Variants in PCDH1 observed in about 807,000 individuals in gnomAD.
The protein encoded by PCDH1 is protocadherin-1.
Under a neutral mutation model 74.6 loss-of-function variants are expected in PCDH1, and 23 were observed. The observed-to-expected ratio is 0.31, with a 90% CI of 0.22 to 0.44. The LOEUF is 0.44. Ranked by LOEUF, PCDH1 falls within the 20% of genes least tolerant of loss-of-function variation. The pLI is 1.00. For synonymous variants in PCDH1, 647 were observed against 686.1 expected (o/e 0.94, Z 0.89); for missense variants, 1,214 against 1,641.4 (o/e 0.74, Z 4.50).
At chr5:141,877,069 C>A (rs1351170741) in intron 1 of PCDH1, among the ~76,000 whole-genome samples, 2 of 152,198 alleles carry the variant, frequency 1.3e-5, no homozygotes, top group Non-Finnish European at 2.9e-5. Flanking sequence ...ATAATAATGT[C>A]GCGATTAACG....
At chr5:141,872,555 AGGGCGAATGATGTGT>A (rs1753120644) in intron 1 of PCDH1, among the ~76,000 whole-genome samples, 1 of 152,240 alleles carries the variant, frequency 6.6e-6, no homozygotes, top group Non-Finnish European at 1.5e-5. Context: ...TCTGGCAGTC[AGGGCGAATGATGTGT>A]GGCCACTCCA....
intron 1 of PCDH1, among the ~76,000 whole-genome samples, chr5:141,877,400 A>C (rs1033183533): frequency 1.3e-5 from 2 of 152,102 alleles, no homozygotes; most frequent in Admixed American, 1.3e-4. Flanking sequence ...TGTGCTGTGT[A>C]CCTATGTTCT....
Position 141,869,289 on chromosome 5 carries a change from C to A in PCDH1, c.183G>T (p.Val61=). 6.2e-7 allele frequency: 1 copy of A among 1,606,952 alleles called. No homozygotes were observed. The highest frequency in any genetic ancestry group is 1.1e-5 in the South Asian group (1 of 89,628). ...GTGGCTGTTCCTCCGGCACCTTGTA[C>A]ACTACCCGAGTGGCGTGGCCTGGGG... ...APSPGHATRV[V]YKVPEEQPPN... Residue 61 remains valine, a synonymous_variant, in exon 2 of 5, where the codon GTG becomes GTT. Coordinates refer to ENST00000287008, the MANE Select transcript of PCDH1 (RefSeq NM_032420.5). The surrounding 1 kb of genome is among the most constrained non-coding windows in gnomAD (Gnocchi z 4.9).
intron 1 of PCDH1, among the ~76,000 whole-genome samples, chr5:141,877,219 GGTGT>G: frequency 6.6e-6 from 1 of 152,298 alleles, no homozygotes; most frequent in Non-Finnish European, 1.5e-5. Context: ...GTTGGTTTAA[GGTGT>G]GTGTGACACC....
At chr5:141,855,317 C>T (rs971230231) in intron 4 of PCDH1, among the ~76,000 whole-genome samples, 6 of 152,058 alleles carry the variant, frequency 3.9e-5, no homozygotes, top group African/African-American at 1.4e-4. Context: ...CAGTGCTCTT[C>T]TTACACACCC....
In PCDH1 at chr5:141,865,384, T is replaced by G. The variant is rs916675413; in HGVS notation, c.947A>C (p.Glu316Ala). 1.2e-6 allele frequency: 2 copies of G among 1,613,994 alleles called. No individual in the cohort carries two copies. Among genetic ancestry groups the G allele is most frequent in the Non-Finnish European group, 1.7e-6 (2 of 1,180,046 alleles). Residue 316 changes from glutamate (E) to alanine (A), a missense_variant, in exon 3 of 5, where the codon GAA (glutamate) becomes GCA (alanine). By Grantham distance (107) the Glu-to-Ala change is moderately radical. Transcript: ENST00000287008. This position sits in a 1 kb window ranked among gnomAD's most constrained non-coding sequence, Gnocchi z 4.4. ...DSDQGANAEI[E>A]YTFHQAPEVV... Reference sequence around the variant, plus strand: ...TTCGGGCGCCTGGTGGAATGTGTATTCGATTTCTGCATTGGCACCTTGGTC... The same window carrying G: ...TTCGGGCGCCTGGTGGAATGTGTATGCGATTTCTGCATTGGCACCTTGGTC...
chr5:141,871,975 T>C (rs4563655), intron 1 of PCDH1, among the ~76,000 whole-genome samples: 149,329 of 152,346 alleles, frequency 0.98, 73,212 homozygotes, highest in East Asian at 1. Context: ...GCACAGAGTC[T>C]TTAGATAAAT....
chr5:141,871,454 C>T (rs1033471623), intron 1 of PCDH1, among the ~76,000 whole-genome samples: 1 of 152,210 alleles, frequency 6.6e-6, no homozygotes, highest in Admixed American at 6.5e-5. Flanking sequence ...TGGCATTAGA[C>T]AGTCTGAGGC....
intron 1 of PCDH1, among the ~76,000 whole-genome samples, chr5:141,870,217 A>G (rs1365243512): frequency 1.3e-5 from 2 of 152,204 alleles, no homozygotes; most frequent in African/African-American, 4.8e-5. Flanking sequence ...ACTTTCCCCC[A>G]ACACATATGC....
In PCDH1 at chr5:141,854,184, TAGG is replaced by T. The variant is rs878897035; in HGVS notation, c.3569_3571del (p.Ser1190del). ...ATGGCTACTGTGGGAGAAGGCACTG[TAGG>T]AGGGCAGGAGGCGCACGGGGGCCGT... On this transcript the variant is annotated inframe_deletion, in exon 5 of 5. Transcript: ENST00000287008. 1 of 1,609,570 alleles carries T rather than the reference TAGG, an allele frequency of 6.2e-7. No homozygotes were observed. The highest frequency in any genetic ancestry group is 1.1e-5 in the South Asian group (1 of 90,750).
In PCDH1 at chr5:141,864,126, C is replaced by A. The variant is rs1388720126; in HGVS notation, c.2205G>T (p.Thr735=). The A allele has an allele frequency of 6.2e-7, 1 of 1,609,488 alleles. No homozygotes were observed. The highest frequency in any genetic ancestry group is 2.2e-5 in the East Asian group (1 of 44,760). ...AGTCCTCGGCTGCCACCTGGCTGAC[C>A]GTCTCACCAAGACGTGTCTGGGGGG... ...LLTPQTRLGE[T]VSQVAAEDFD... Residue 735 remains threonine, a synonymous_variant, in exon 3 of 5, where the codon ACG becomes ACT. Coordinates refer to ENST00000287008, the MANE Select transcript of PCDH1 (RefSeq NM_032420.5). This position sits in a 1 kb window ranked among gnomAD's most constrained non-coding sequence, Gnocchi z 5.9.
intron 1 of PCDH1, among the ~76,000 whole-genome samples, chr5:141,877,815 G>GT (rs965766184): frequency 6.6e-6 from 1 of 152,232 alleles, no homozygotes; most frequent in African/African-American, 2.4e-5. Context: ...CAACAAGTGT[G>GT]TATGTATGTG....
rs1207497703 is a variant in PCDH1 at position 141,857,462 on chromosome 5, G to A, written c.3109C>T (p.Arg1037Cys). The part of the protein sequence containing the change: ...PKYPSKQLPH[R>C]RVTFSATSQA... ...CTGGTGGCCGAGAAGGTGACGCGGC[G>A]GTGAGGTAACTGCAGGGAGACAGAT... is the stretch of plus-strand genomic sequence containing the variant. Residue 1037 changes from arginine to cysteine, a missense_variant, in exon 4 of 5, where the codon CGC becomes TGC. By Grantham distance (180) the Arg-to-Cys change is radical (BLOSUM62 -3). Transcript: ENST00000287008. 7 of 1,613,272 alleles carry A rather than the reference G, an allele frequency of 4.3e-6. No individual in the cohort carries two copies. Among genetic ancestry groups the A allele is most frequent in the Non-Finnish European group, 5.9e-6 (7 of 1,179,716 alleles).
chr5:141,875,636 A>G (rs1753207848), intron 1 of PCDH1, among the ~76,000 whole-genome samples: 1 of 152,178 alleles, frequency 6.6e-6, no homozygotes, highest in Admixed American at 6.5e-5. Context: ...ATGGCAGACC[A>G]GCAAGACACC....
rs750601530 is a variant in PCDH1, at chr5:141,868,499, C to A, written c.903+70G>T. The A allele has an allele frequency of 6.6e-7, 1 of 1,509,560 alleles. No individual in the cohort carries two copies. Among genetic ancestry groups the A allele is most frequent in the Non-Finnish European group, 8.8e-7 (1 of 1,131,308 alleles). 93.5% of individuals were successfully genotyped at this position (1,509,560 alleles called of 1,614,324 possible). A position where few individuals can be genotyped will look rare whatever the true frequency, so the allele number is the denominator to read the frequency against. On this transcript the variant is annotated intron_variant, in intron 2 of 4. Coordinates refer to ENST00000287008, the MANE Select transcript of PCDH1 (RefSeq NM_032420.5). The surrounding 1 kb of genome is among the most constrained non-coding windows in gnomAD (Gnocchi z 4.8). ...TTTTCCCCTAAGTGAAGGGAACTCTCACCTGGTTGGGTGGGCTCCCATTTC... is the reference window on the plus strand; with the variant it reads ...TTTTCCCCTAAGTGAAGGGAACTCTAACCTGGTTGGGTGGGCTCCCATTTC...
At chr5:141,875,282 T>A (rs954645835) in intron 1 of PCDH1, among the ~76,000 whole-genome samples, 3 of 152,120 alleles carry the variant, frequency 2.0e-5, no homozygotes, top group Admixed American at 6.5e-5. Context: ...GTTCGATGAA[T>A]AAACAAGCCA....
At chr5:141,854,566 T>G in intron 4 of PCDH1, 130 bp from the exon 5 acceptor site, 1 of 904,322 alleles carries the variant, frequency 1.1e-6, no homozygotes, top group Middle Eastern at 3.3e-4. Context: ...ACCGCTGAAC[T>G]CACAGGCACA....
chr5:141,854,533 A>G, intron 4 of PCDH1, 97 bp from the exon 5 acceptor site: 1 of 1,297,026 alleles, frequency 7.7e-7, no homozygotes, highest in Non-Finnish European at 1.0e-6. Context: ...CCACCTCAGG[A>G]CAGGAGTATG....
At chr5:141,860,043 C>G (rs941942174) in intron 3 of PCDH1, among the ~76,000 whole-genome samples, 1 of 152,150 alleles carries the variant, frequency 6.6e-6, no homozygotes, top group Non-Finnish European at 1.5e-5. Flanking sequence ...TTTGCTTACA[C>G]GGTGACCCTG....
Sources: gnomAD v4.1 joint callset for allele counts (sites outside exome capture counted in the v4.1 genomes callset) on GRCh38, gnomAD v4.1.1 for gene constraint, Gnocchi (gnomAD v3.1) non-coding constraint, MANE v1.5 for transcripts, NCBI Gene and HGNC (gene_info 2026-07-23, HGNC 2026-07-21) for gene names.